VGLL4: variants seen among roughly 807,000 people sequenced by gnomAD.
VGLL4 encodes transcription cofactor vestigial-like protein 4.
VGLL4 carries 7 observed loss-of-function variants against 21.0 expected under a neutral mutation model. The observed-to-expected ratio is 0.33, with a 90% CI of 0.19 to 0.63. The LOEUF (loss-of-function observed/expected upper bound fraction) is 0.63, where lower values mean the gene tolerates loss of function less well. VGLL4 is among the 20% of genes least tolerant of loss of function. The pLI is 0.78. For missense variants in VGLL4, 394 were observed against 425.7 expected, an observed-to-expected ratio of 0.93 and a Z score of 0.66; for synonymous variants, 222 against 173.2, an observed-to-expected ratio of 1.28 and a Z score of -2.21.
exon 1 of VGLL4, chr3:11,720,479 A>G (rs2076983639): frequency 6.5e-6 from 1 of 152,704 alleles, no homozygotes; most frequent in African/African-American, 2.4e-5. Context: ...GGGCGCTCCG[A>G]CGCCGCTGGG....
intron 1 of VGLL4, among the ~76,000 whole-genome samples, chr3:11,635,869 T>C (rs1336370672): frequency 6.6e-6 from 1 of 152,204 alleles, no homozygotes; most frequent in East Asian, 1.9e-4. Flanking sequence ...TGCTATTACA[T>C]ATTCCTTAAA....
chr3:11,709,760 C>T (rs567586425), intron 1 of VGLL4, among the ~76,000 whole-genome samples: 19 of 152,244 alleles, frequency 1.2e-4, no homozygotes, highest in African/African-American at 3.6e-4. Flanking sequence ...TCAGTGCTAA[C>T]GGCAAGCTCA....
chr3:11,707,186 G>A (rs565609151), intron 1 of VGLL4, among the ~76,000 whole-genome samples: 3 of 151,784 alleles, frequency 2.0e-5, no homozygotes, highest in Non-Finnish European at 4.4e-5. Context: ...AAATGAGCTG[G>A]AAGTGGTGGC....
intron 2 of VGLL4, chr3:11,693,062 C>G: frequency 5.3e-6 from 1 of 187,308 alleles, no homozygotes; most frequent in Non-Finnish European, 1.2e-5. Context: ...CCCAGCTACT[C>G]GAGAGGCTGA....
chr3:11,558,329 C>T lies in VGLL4; in HGVS notation c.*227G>A, dbSNP rs2072625751. ...CAGGAAGTAAGGATGCTACATTAGA[C>T]AGATGTTCCACGCGTAGTTCCTGCT... is the stretch of plus-strand genomic sequence containing the variant. On this transcript the variant is annotated 3_prime_UTR_variant, in exon 5 of 5. Transcript: ENST00000430365. 1.5e-6 allele frequency: 1 copy of T among 686,894 alleles called. No homozygotes were observed. The highest frequency in any genetic ancestry group is 2.4e-6 in the Non-Finnish European group (1 of 420,674). 42.5% of individuals were successfully genotyped at this position (686,894 alleles called of 1,614,324 possible).
At chr3:11,573,271 GAA>G (rs1323031368) in intron 2 of VGLL4, among the ~76,000 whole-genome samples, 4,724 of 25,456 alleles carry the variant, frequency 0.19, 625 homozygotes, top group African/African-American at 0.37. Context: ...AAGAAAGAAA[GAA>G]AGAAAGAAAG....
chr3:11,594,629 C>A (rs1424611997), intron 2 of VGLL4, among the ~76,000 whole-genome samples: 1 of 152,248 alleles, frequency 6.6e-6, no homozygotes, highest in African/African-American at 2.4e-5. Flanking sequence ...TACTGTTACA[C>A]TGCACCCACT....
At chr3:11,702,912 G>A in intron 2 of VGLL4, 2 of 1,491,156 alleles carry the variant, frequency 1.3e-6, no homozygotes, top group East Asian at 2.3e-5. Context: ...TTGTTATGGA[G>A]CAGAAGACAA....
In VGLL4 at chr3:11,573,241, AATAG is replaced by A. The variant is rs1327445483; in HGVS notation, c.273-8226_273-8223del. 9.0e-4 allele frequency among the ~76,000 whole-genome samples: 104 copies of A among 115,782 alleles called. 9 individuals are homozygous for A. Among genetic ancestry groups the A allele is most frequent in the East Asian group, 5.4e-3 (21 of 3,896 alleles). 76.0% of individuals were successfully genotyped at this position (115,782 alleles called of 152,430 possible). A position where few individuals can be genotyped will look rare whatever the true frequency, so the allele number is the denominator to read the frequency against. ...GAGAAAGACAGACAGAAAGAAAAGA[AATAG>A]AGAAAGAAAGAAAGAAAGAAAGAAA... is the stretch of plus-strand genomic sequence containing the variant. On this transcript the variant is annotated intron_variant, in intron 2 of 4. Coordinates refer to ENST00000430365, the MANE Select transcript of VGLL4 (RefSeq NM_001128219.3).
chr3:11,643,387 G>T (rs1375918901), intron 1 of VGLL4, 50 bp downstream of exon 1: 1 of 1,613,716 alleles, frequency 6.2e-7, no homozygotes, highest in Non-Finnish European at 8.5e-7. Context: ...ACACTGAGGA[G>T]GAGTGGCCGG....
At position 11,565,007 on chromosome 3, in the gene VGLL4, G is replaced by A. The variant is rs1257338637; in HGVS notation, c.285C>T (p.Ala95=). ...GGGGGTCTCTGCGGCAGTCTCCATT[G>A]GCAGTCTTGTTCCTGAAAAAGAGGA... ...RIFNPHLNKT[A]NGDCRRDPRE... is the part of the protein sequence containing the mutation. Residue 95 remains alanine (A), a synonymous_variant, in exon 3 of 5, where the codon GCC becomes GCT. Transcript: ENST00000430365. The surrounding 1 kb of genome is among the most constrained non-coding windows in gnomAD (Gnocchi z 4.1). The A allele has an allele frequency of 6.7e-7, 1 of 1,495,354 alleles. No homozygotes were observed. The highest frequency in any genetic ancestry group is 8.9e-7 in the Non-Finnish European group (1 of 1,124,200). 92.6% of individuals were successfully genotyped at this position (1,495,354 alleles called of 1,614,324 possible). A position where few individuals can be genotyped will look rare whatever the true frequency, so the allele number is the denominator to read the frequency against.
chr3:11,720,829 G>C (rs1475077744), upstream of VGLL4: 1 of 152,198 alleles, frequency 6.6e-6, no homozygotes, highest in Non-Finnish European at 1.5e-5. Flanking sequence ...GCAGACATGT[G>C]ACCACGAAAA....
At chr3:11,651,256 C>G (rs989561981) in intron 2 of VGLL4, among the ~76,000 whole-genome samples, 2 of 150,788 alleles carry the variant, frequency 1.3e-5, no homozygotes, top group Non-Finnish European at 3.0e-5. Context: ...GGCAGGAGAA[C>G]TGCTTGAACC....
intron 2 of VGLL4, among the ~76,000 whole-genome samples, chr3:11,665,114 T>C (rs1575509504): frequency 7.0e-5 from 9 of 127,854 alleles, no homozygotes; most frequent in South Asian, 2.9e-4. Context: ...TTTTTTTTTT[T>C]TTTTTTTTTT....
intron 1 of VGLL4, among the ~76,000 whole-genome samples, chr3:11,717,731 T>TG (rs1253504283): frequency 1.3e-5 from 2 of 152,116 alleles, no homozygotes; most frequent in African/African-American, 2.4e-5. Flanking sequence ...TTAAATCAGT[T>TG]GGGGGATAGC....
At chr3:11,702,831 T>A in intron 2 of VGLL4, 2 of 562,696 alleles carry the variant, frequency 3.6e-6, no homozygotes, top group Non-Finnish European at 5.7e-6. Context: ...GATGTGAAGC[T>A]GTTATCTCTA....
chr3:11,694,871 C>A (rs1476975622), intron 2 of VGLL4, among the ~76,000 whole-genome samples: 1 of 152,094 alleles, frequency 6.6e-6, no homozygotes, highest in Non-Finnish European at 1.5e-5. Context: ...TGCAGCAGAT[C>A]TTCATCTGTT....
In VGLL4 at chr3:11,557,387, T is replaced by C. The variant is rs547038533; in HGVS notation, c.*1169A>G. On this transcript the variant is annotated 3_prime_UTR_variant, in exon 5 of 5. Coordinates refer to ENST00000430365, the MANE Select transcript of VGLL4 (RefSeq NM_001128219.3). ...AAGAGAGTTCAAAGGGAGCAGTTTC[T>C]GCATGTAGGGAAGTTGGAAGACACA... The C allele has an allele frequency of 3.3e-5, 5 of 152,922 alleles. No homozygotes were observed. The highest frequency in any genetic ancestry group is 3.8e-4 in the East Asian group (2 of 5,318). 9.5% of individuals were successfully genotyped at this position (152,922 alleles called of 1,614,324 possible).
intron 2 of VGLL4, among the ~76,000 whole-genome samples, chr3:11,581,405 G>T (rs951960597): frequency 6.6e-6 from 1 of 152,038 alleles, no homozygotes; most frequent in Non-Finnish European, 1.5e-5. Flanking sequence ...TGCATTTCTC[G>T]AATGATGAAA....
Sources: allele counts gnomAD v4.1 joint callset (sites outside exome capture counted in the v4.1 genomes callset), GRCh38; gene constraint gnomAD v4.1.1; non-coding constraint Gnocchi (gnomAD v3.1); transcripts MANE v1.5; gene names NCBI Gene and HGNC (gene_info 2026-07-23, HGNC 2026-07-21).